Variants in PIWIL1 observed in about 807,000 individuals in gnomAD.
PIWIL1 encodes piwi like RNA-mediated gene silencing 1.
A neutral mutation model predicts 114.4 loss-of-function variants in PIWIL1; 73 were observed. That is an observed-to-expected ratio of 0.64 (90% CI 0.53 to 0.78). The LOEUF (loss-of-function observed/expected upper bound fraction) is 0.78, where lower values mean the gene tolerates loss of function less well. Ranked by LOEUF, PIWIL1 falls within the 30% of genes least tolerant of loss-of-function variation. PIWIL1 has a pLI of 0.00. For synonymous variants in PIWIL1, 375 were observed against 369.0 expected, an observed-to-expected ratio of 1.02 and a Z score of -0.19; for missense variants, 723 against 1,063.1, an observed-to-expected ratio of 0.68 and a Z score of 4.45.
chr12:130,397,195 TTGTTCTCG>T, the PIWIL1 span: 1 of 370,274 alleles, frequency 2.7e-6, no homozygotes, highest in Non-Finnish European at 4.8e-6. Context: ...CCGCTCCTCT[TTGTTCTCG>T]TGGTTGGTTT....
At chr12:130,370,219 G>C (rs557082124) in intron 19 of PIWIL1, among the ~76,000 whole-genome samples, 4 of 146,444 alleles carry the variant, frequency 2.7e-5, no homozygotes, top group African/African-American at 1.0e-4. Flanking sequence ...TCTCTGGATT[G>C]ATATTTTATT....
At chr12:130,346,096 C>T (rs2073061679) in intron 4 of PIWIL1, among the ~76,000 whole-genome samples, 1 of 152,154 alleles carries the variant, frequency 6.6e-6, no homozygotes, top group Admixed American at 6.5e-5. Flanking sequence ...ATTTTTAAAA[C>T]TCTTTGCCAT....
the PIWIL1 span, among the ~76,000 whole-genome samples, chr12:130,408,039 G>A: frequency 6.6e-6 from 1 of 152,226 alleles, no homozygotes; most frequent in Non-Finnish European, 1.5e-5. Context: ...GCTGTAGTAT[G>A]GTTTCTCCCC....
chr12:130,371,357 A>G (rs1333864141), intron 20 of PIWIL1, 34 bp downstream of exon 20: 6 of 1,613,568 alleles, frequency 3.7e-6, no homozygotes, highest in Non-Finnish European at 5.1e-6. Context: ...TTTAGCAAAT[A>G]AAGGACATTC....
At chr12:130,355,108 C>T (rs78606548) in intron 11 of PIWIL1, 103 bp downstream of exon 11, 44,852 of 756,450 alleles carry the variant, frequency 0.059, 2,044 homozygotes, top group South Asian at 0.17. Flanking sequence ...GTAACTTTCT[C>T]CTTTGGTATC....
At chr12:130,393,165 C>G in the PIWIL1 span, among the ~76,000 whole-genome samples, 139 of 103,184 alleles carry the variant, frequency 1.3e-3, no homozygotes, top group Admixed American at 1.7e-3. Flanking sequence ...TCACGTGTGT[C>G]CGTCAGTTAC....
intron 19 of PIWIL1, among the ~76,000 whole-genome samples, chr12:130,369,221 A>G (rs543660257): frequency 4.7e-4 from 72 of 152,292 alleles, no homozygotes; most frequent in Middle Eastern, 3.4e-3. Context: ...TGCAAAGAGC[A>G]TGATCTTGTT....
chr12:130,393,106 G>A, the PIWIL1 span, among the ~76,000 whole-genome samples: 8 of 141,808 alleles, frequency 5.6e-5, no homozygotes, highest in South Asian at 2.4e-4. Context: ...ACGTGTGTCC[G>A]TCAGTTACCT....
At chr12:130,410,634 T>G in the PIWIL1 span, among the ~76,000 whole-genome samples, 1 of 152,178 alleles carries the variant, frequency 6.6e-6, no homozygotes, top group Non-Finnish European at 1.5e-5. Flanking sequence ...TCCGTTGAAT[T>G]GCCTTTTTAC....
At chr12:130,345,190 A>C (rs1013986544) in intron 3 of PIWIL1, 3 of 152,510 alleles carry the variant, frequency 2.0e-5, no homozygotes, top group African/African-American at 7.2e-5. Context: ...TACCTATACC[A>C]GTATGAGATG....
chr12:130,348,207 A>C, intron 7 of PIWIL1, 24 bp downstream of exon 7: 1 of 1,373,268 alleles, frequency 7.3e-7, no homozygotes, highest in Non-Finnish European at 1.0e-6. Flanking sequence ...AGAACGTTTA[A>C]TATTCCTTAG....
chr12:130,410,325 C>T, the PIWIL1 span, among the ~76,000 whole-genome samples: 2 of 152,222 alleles, frequency 1.3e-5, no homozygotes, highest in East Asian at 3.8e-4. Flanking sequence ...TTCTGCCAGC[C>T]TGTGGCTTTT....
chr12:130,413,350 A>G, the PIWIL1 span, among the ~76,000 whole-genome samples: 1 of 152,042 alleles, frequency 6.6e-6, no homozygotes, highest in Admixed American at 6.6e-5. Flanking sequence ...CTCTCCTCTC[A>G]GAAGGCTGGA....
chr12:130,394,352 C>T, the PIWIL1 span, among the ~76,000 whole-genome samples: 16,301 of 152,222 alleles, frequency 0.11, 1,211 homozygotes, highest in African/African-American at 0.21. Flanking sequence ...TGAGCTTGCA[C>T]GCGGAGGTGC....
chr12:130,355,230 C>G (rs2073331704), intron 11 of PIWIL1, among the ~76,000 whole-genome samples: 1 of 152,206 alleles, frequency 6.6e-6, no homozygotes, highest in Non-Finnish European at 1.5e-5. Context: ...GTCTTTCTAA[C>G]TCTTCCATTA....
rs1187100741 is a variant in PIWIL1 at position 130,354,662 on chromosome 12, A to G, written c.1170A>G (p.Thr390=). 2 of 1,577,696 alleles carry G rather than the reference A, an allele frequency of 1.3e-6. No homozygotes were observed. The highest frequency in any genetic ancestry group is 2.2e-5 in the East Asian group (1 of 44,552). Residue 390 remains threonine, a splice_region_variant and synonymous_variant, in exon 10 of 21, where the codon ACA becomes ACG. Transcript: ENST00000245255. Reference sequence around the variant, plus strand: ...TCATTCCTGAGCTCTGCTATCTTACAGGTACTGTTGCATTTCATTTACTCG... The same window carrying G: ...TCATTCCTGAGCTCTGCTATCTTACGGGTACTGTTGCATTTCATTTACTCG... ...AMLIPELCYL[T]GLTDKMRNDF...
At chr12:130,364,094 G>C (rs1565954413) in intron 18 of PIWIL1, among the ~76,000 whole-genome samples, 1 of 152,204 alleles carries the variant, frequency 6.6e-6, no homozygotes, top group Non-Finnish European at 1.5e-5. Flanking sequence ...ATTCTAATCA[G>C]TTACGTTAAC....
chr12:130,401,714 G>T, the PIWIL1 span, among the ~76,000 whole-genome samples: 2 of 151,956 alleles, frequency 1.3e-5, no homozygotes, highest in Non-Finnish European at 1.5e-5. Context: ...CCTATCGAGG[G>T]TTTTTAATAA....
the PIWIL1 span, among the ~76,000 whole-genome samples, chr12:130,411,079 C>T: frequency 1.3e-5 from 2 of 152,150 alleles, no homozygotes; most frequent in African/African-American, 4.8e-5. Flanking sequence ...AGACTTAATG[C>T]TAAGTAGTTC....
Sources: gnomAD v4.1 joint callset for allele counts (sites outside exome capture counted in the v4.1 genomes callset) on GRCh38, gnomAD v4.1.1 for gene constraint, MANE v1.5 for transcripts, NCBI Gene and HGNC (gene_info 2026-07-23, HGNC 2026-07-21) for gene names.